XKR6: variants seen among roughly 807,000 people sequenced by gnomAD.
The protein encoded by XKR6 is XK-related protein 6.
A neutral mutation model predicts 56.7 loss-of-function variants in XKR6; 22 were observed. The observed-to-expected ratio is 0.39, with a 90% CI of 0.28 to 0.55. The LOEUF (loss-of-function observed/expected upper bound fraction) is 0.55. Ranked by LOEUF, XKR6 falls within the 20% of genes least tolerant of loss-of-function variation. The pLI is 0.66. For synonymous variants in XKR6, 524 were observed against 387.8 expected, an observed-to-expected ratio of 1.35 and a Z score of -4.13; for missense variants, 852 against 889.0, an observed-to-expected ratio of 0.96 and a Z score of 0.53.
At chr8:11,084,399 C>T (rs1304734934) in intron 1 of XKR6, among the ~76,000 whole-genome samples, 1 of 152,142 alleles carries the variant, frequency 6.6e-6, no homozygotes, top group Non-Finnish European at 1.5e-5. Context: ...TAGCACTTCC[C>T]AGAATTCAGA....
At chr8:10,959,262 A>G (rs4314618) in intron 1 of XKR6, among the ~76,000 whole-genome samples, 86,593 of 151,836 alleles carry the variant, frequency 0.57, 27,239 homozygotes, top group African/African-American at 0.83. Context: ...AGAGGAACTG[A>G]GTCCCCTCGG....
intron 1 of XKR6, among the ~76,000 whole-genome samples, chr8:11,157,713 G>T (rs756211556): frequency 2.6e-5 from 4 of 152,010 alleles, no homozygotes; most frequent in African/African-American, 7.2e-5. Context: ...AGAGATGAAG[G>T]TCTCACCATG....
chr8:10,964,306 C>T (rs996155561), intron 1 of XKR6, among the ~76,000 whole-genome samples: 1 of 152,208 alleles, frequency 6.6e-6, no homozygotes, highest in African/African-American at 2.4e-5. Flanking sequence ...TTCTAGGACA[C>T]CTGTTTGCTC....
chr8:10,920,844 G>C (rs1800688614), intron 2 of XKR6, among the ~76,000 whole-genome samples: 1 of 152,212 alleles, frequency 6.6e-6, no homozygotes, highest in African/African-American at 2.4e-5. Flanking sequence ...CCTTTGTTTA[G>C]TCCAACAGGT....
intron 1 of XKR6, among the ~76,000 whole-genome samples, chr8:11,165,404 C>T (rs749792770): frequency 1.9e-4 from 29 of 151,940 alleles, no homozygotes; most frequent in Non-Finnish European, 3.4e-4. Flanking sequence ...AGCTGGCTAT[C>T]GCTATTTTAA....
intron 1 of XKR6, among the ~76,000 whole-genome samples, chr8:11,002,845 G>C (rs2129143521): frequency 6.6e-6 from 1 of 152,306 alleles, no homozygotes; most frequent in East Asian, 1.9e-4. Flanking sequence ...ATTCCAGATG[G>C]GATATAAAAG....
chr8:11,057,889 T>G (rs1799726129), intron 1 of XKR6, among the ~76,000 whole-genome samples: 1 of 152,230 alleles, frequency 6.6e-6, no homozygotes, highest in East Asian at 1.9e-4. Flanking sequence ...GCTGAGCACC[T>G]GCCGCATCTG....
chr8:11,093,415 C>T (rs910103458), intron 1 of XKR6, among the ~76,000 whole-genome samples: 10 of 152,194 alleles, frequency 6.6e-5, no homozygotes, highest in African/African-American at 2.2e-4. Context: ...CTGCCCTTAG[C>T]ACGAAGATGG....
chr8:11,116,357 C>T (rs983823568), intron 1 of XKR6, among the ~76,000 whole-genome samples: 12 of 152,146 alleles, frequency 7.9e-5, no homozygotes, highest in African/African-American at 2.9e-4. Context: ...ACCCACAGCT[C>T]AACTCTTACT....
intron 1 of XKR6, among the ~76,000 whole-genome samples, chr8:10,983,018 A>C (rs2129137871): frequency 6.6e-6 from 1 of 152,358 alleles, no homozygotes; most frequent in Non-Finnish European, 1.5e-5. Context: ...ATTAACTTAC[A>C]GGGTTGTAAG....
chr8:10,912,542 AAGAG>A (rs1313874172), intron 2 of XKR6, among the ~76,000 whole-genome samples: 2 of 114,392 alleles, frequency 1.7e-5, no homozygotes, highest in African/African-American at 3.4e-5. Flanking sequence ...TATATAGAGA[AAGAG>A]AGAGGGTGTG....
intron 1 of XKR6, among the ~76,000 whole-genome samples, chr8:11,017,060 TAGAC>T (rs745338099): frequency 3.9e-5 from 6 of 152,354 alleles, no homozygotes; most frequent in African/African-American, 1.2e-4. Context: ...GGATAGATCA[TAGAC>T]AGATGGATGA....
chr8:10,953,091 A>G (rs1801776256), intron 1 of XKR6, among the ~76,000 whole-genome samples: 1 of 152,196 alleles, frequency 6.6e-6, no homozygotes. Flanking sequence ...CTGATTCTGC[A>G]CTGTGGTGAG....
At chr8:11,108,333 A>C (rs1016675244) in intron 1 of XKR6, 15 of 456,126 alleles carry the variant, frequency 3.3e-5, no homozygotes, top group African/African-American at 2.6e-4. Context: ...ACAGAATCCT[A>C]AATTTCCAGT....
At chr8:10,964,256 A>T (rs1035921615) in intron 1 of XKR6, among the ~76,000 whole-genome samples, 6 of 151,838 alleles carry the variant, frequency 4.0e-5, no homozygotes, top group African/African-American at 1.5e-4. Context: ...GGTTCTAAAA[A>T]CCCAATACCC....
intron 2 of XKR6, among the ~76,000 whole-genome samples, chr8:10,911,552 G>C (rs998495365): frequency 6.8e-6 from 1 of 146,748 alleles, no homozygotes; most frequent in Non-Finnish European, 1.5e-5. Context: ...TATATATATA[G>C]AGAGAATATC....
intron 1 of XKR6, among the ~76,000 whole-genome samples, chr8:10,930,139 A>C (rs1217096862): frequency 6.6e-6 from 1 of 152,194 alleles, no homozygotes; most frequent in Non-Finnish European, 1.5e-5. Flanking sequence ...TCTGCCCAAG[A>C]CTGGCTGGGG....
chr8:11,041,255 T>C (rs1799278911), intron 1 of XKR6, among the ~76,000 whole-genome samples: 1 of 152,066 alleles, frequency 6.6e-6, no homozygotes, highest in Admixed American at 6.6e-5. Flanking sequence ...AACAAAACAT[T>C]GTGCAAAGAG....
chr8:11,129,181 G>T, intron 1 of XKR6: 1 of 353,392 alleles, frequency 2.8e-6, no homozygotes, highest in East Asian at 7.4e-5. Context: ...AGACAGAGGT[G>T]ATGGTTGCTC....
Sources: allele counts gnomAD v4.1 joint callset (sites outside exome capture counted in the v4.1 genomes callset), GRCh38; gene constraint gnomAD v4.1.1; transcripts MANE v1.5; gene names NCBI Gene and HGNC (gene_info 2026-07-23, HGNC 2026-07-21).